Variants in VPS13B observed in about 807,000 individuals in gnomAD.
VPS13B encodes the protein vacuolar protein sorting 13 homolog B.
Under a neutral mutation model 426.4 loss-of-function variants are expected in VPS13B, and 285 were observed. The observed-to-expected ratio is 0.67, with a 90% CI of 0.61 to 0.74. The LOEUF is 0.74. Ranked by LOEUF, VPS13B falls within the 30% of genes least tolerant of loss-of-function variation. The probability of loss-of-function intolerance (pLI) is 0.00; values close to 1 mark genes in which losing one functional copy is unlikely to be tolerated. For synonymous variants in VPS13B, 1,676 were observed against 1,676.4 expected (o/e 1.00, Z 0.01); for missense variants, 4,537 against 4,782.6 (o/e 0.95, Z 1.51).
chr8:99,171,106 G>A (rs938974771), intron 16 of VPS13B, among the ~76,000 whole-genome samples: 2 of 151,754 alleles, frequency 1.3e-5, no homozygotes, highest in African/African-American at 2.4e-5. Flanking sequence ...AAAAGTCGTA[G>A]TTAAGTCTTA....
rs1352081544 is a variant in VPS13B, at chr8:99,086,840, G to T, written c.292-9472G>T. The stretch of plus-strand genomic sequence containing the variant: ...GAAGCTTTGTCTCAGAGGAGTACCG[G>T]GCTGTGTGAGGTGTCAGTCTGCCCC... On this transcript the variant is annotated intron_variant, in intron 3 of 61. Transcript: ENST00000357162. Among the ~76,000 whole-genome samples, 3 of 152,132 alleles carry T rather than the reference G, an allele frequency of 2.0e-5. No individual in the cohort carries two copies. In the East Asian group the frequency reaches 5.8e-4, roughly 29 times the overall value.
chr8:99,028,663 T>C (rs1259122978), intron 2 of VPS13B, among the ~76,000 whole-genome samples: 15 of 73,472 alleles, frequency 2.0e-4, no homozygotes, highest in Non-Finnish European at 2.0e-4. Context: ...GCTGGCCAGG[T>C]GGGGGGCTGA....
At chr8:99,663,351 T>C (rs1830318397) in intron 35 of VPS13B, among the ~76,000 whole-genome samples, 1 of 152,168 alleles carries the variant, frequency 6.6e-6, no homozygotes, top group African/African-American at 2.4e-5. Flanking sequence ...TGAAGAACTA[T>C]TTCTAATCTT....
At chr8:99,227,960 T>C (rs1244100692) in intron 17 of VPS13B, among the ~76,000 whole-genome samples, 1 of 152,188 alleles carries the variant, frequency 6.6e-6, no homozygotes, top group Non-Finnish European at 1.5e-5. Flanking sequence ...TGCATTGCTG[T>C]AGGCAATTTT....
intron 22 of VPS13B, among the ~76,000 whole-genome samples, chr8:99,437,023 G>A (rs567596259): frequency 1.3e-5 from 2 of 152,252 alleles, no homozygotes; most frequent in South Asian, 4.1e-4. Flanking sequence ...ACAGGCGTGA[G>A]CTTTTATTTT....
chr8:99,767,847 T>C (rs578249018), intron 40 of VPS13B, among the ~76,000 whole-genome samples: 4 of 152,222 alleles, frequency 2.6e-5, no homozygotes, highest in African/African-American at 9.6e-5. Context: ...GAGGATCCCT[T>C]GAGCCCCGGA....
intron 20 of VPS13B, among the ~76,000 whole-genome samples, chr8:99,391,048 A>T (rs1814414890): frequency 6.6e-6 from 1 of 152,308 alleles, no homozygotes; most frequent in South Asian, 2.1e-4. Flanking sequence ...TCTTCAAAAA[A>T]GTTGGACTAT....
chr8:99,192,176 A>G (rs1813637453), intron 16 of VPS13B, among the ~76,000 whole-genome samples: 1 of 152,228 alleles, frequency 6.6e-6, no homozygotes, highest in Non-Finnish European at 1.5e-5. Flanking sequence ...ATTTAATTAC[A>G]TAATTCACTT....
intron 33 of VPS13B, among the ~76,000 whole-genome samples, chr8:99,591,297 CTT>C (rs1159177113): frequency 4.6e-5 from 7 of 150,636 alleles, no homozygotes; most frequent in Admixed American, 3.3e-4. Flanking sequence ...GGTCTTGACT[CTT>C]TATCCAATTT....
intron 36 of VPS13B, among the ~76,000 whole-genome samples, chr8:99,710,361 C>G (rs1422663008): frequency 6.6e-6 from 1 of 152,136 alleles, no homozygotes; most frequent in African/African-American, 2.4e-5. Flanking sequence ...CATGTCTTAA[C>G]TCACTTTCTG....
At chr8:99,065,879 T>C (rs1283064660) in intron 3 of VPS13B, among the ~76,000 whole-genome samples, 3 of 152,132 alleles carry the variant, frequency 2.0e-5, no homozygotes, top group Non-Finnish European at 4.4e-5. Context: ...GAGAGCCAAA[T>C]CATGAGTGAA....
chr8:99,703,710 A>G (rs1832381384), intron 36 of VPS13B, among the ~76,000 whole-genome samples: 2 of 152,188 alleles, frequency 1.3e-5, no homozygotes, highest in African/African-American at 4.8e-5. Flanking sequence ...TGGAGAAACC[A>G]AAAGTATATA....
In VPS13B at chr8:99,642,342, C is replaced by A; in HGVS notation, c.5752C>A (p.Arg1918=). The part of the protein sequence containing the change: ...LGITIVRQPG[R]RGTGDLQLEP... ...TATAACTATTGTTCGGCAGCCTGGTCGAAGAGGAACTGGTGACTTACAGCT... is the reference window on the plus strand; with the variant it reads ...TATAACTATTGTTCGGCAGCCTGGTAGAAGAGGAACTGGTGACTTACAGCT... Residue 1918 remains arginine (R), a synonymous_variant, in exon 34 of 62, where the codon CGA becomes AGA. Transcript: ENST00000357162. 1 of 1,614,070 alleles carries A rather than the reference C, an allele frequency of 6.2e-7. No homozygotes were observed. Among genetic ancestry groups the A allele is most frequent in the Non-Finnish European group, 8.5e-7 (1 of 1,180,000 alleles).
chr8:99,724,805 A>G (rs1300168752), intron 39 of VPS13B, among the ~76,000 whole-genome samples: 1 of 152,138 alleles, frequency 6.6e-6, no homozygotes, highest in Non-Finnish European at 1.5e-5. Flanking sequence ...CTAAGTTTTT[A>G]GAGGAACAAA....
At chr8:99,164,086 A>G (rs1811850499) in intron 15 of VPS13B, among the ~76,000 whole-genome samples, 1 of 151,964 alleles carries the variant, frequency 6.6e-6, no homozygotes, top group African/African-American at 2.4e-5. Context: ...TCAGAGGGGA[A>G]CTCTCCAGGC....
chr8:99,134,617 T>G lies in VPS13B; in HGVS notation c.1207-15T>G. ...ATACTAAATTTGATTTACTTAATAT[T>G]CTTATATTTCTTAGCTCACAGAAAT... On this transcript the variant is annotated splice_polypyrimidine_tract_variant and intron_variant, in intron 8 of 61. Coordinates refer to ENST00000357162, the MANE Select transcript of VPS13B (RefSeq NM_152564.5). 1 of 1,568,220 alleles carries G rather than the reference T, an allele frequency of 6.4e-7. No individual in the cohort carries two copies. Among genetic ancestry groups the G allele is most frequent in the African/African-American group, 1.4e-5 (1 of 73,946 alleles).
chr8:99,536,611 C>T (rs1393662508), intron 30 of VPS13B: 1 of 532,728 alleles, frequency 1.9e-6, no homozygotes, highest in East Asian at 5.5e-5. Context: ...TCCTGGGACC[C>T]CATTATCCTT....
At chr8:99,523,029 A>C (rs962891912) in intron 30 of VPS13B, among the ~76,000 whole-genome samples, 2 of 152,192 alleles carry the variant, frequency 1.3e-5, no homozygotes, top group African/African-American at 4.8e-5. Context: ...AGTGAACTAG[A>C]TGCAAAAGTC....
intron 16 of VPS13B, among the ~76,000 whole-genome samples, chr8:99,186,479 G>A (rs1324649456): frequency 6.6e-6 from 1 of 151,952 alleles, no homozygotes; most frequent in Non-Finnish European, 1.5e-5. Flanking sequence ...TAGATACATT[G>A]AGTATTTGTT....
Sources: allele counts gnomAD v4.1 joint callset (sites outside exome capture counted in the v4.1 genomes callset), GRCh38; gene constraint gnomAD v4.1.1; transcripts MANE v1.5; gene names NCBI Gene and HGNC (gene_info 2026-07-23, HGNC 2026-07-21).